The following PDE4D variants were observed in gnomAD, a reference collection of about 807,000 sequenced individuals.
The protein encoded by PDE4D is 3',5'-cyclic-AMP phosphodiesterase 4D.
In PDE4D, 24 loss-of-function variants were observed where a neutral mutation model predicts 87.4. The observed-to-expected ratio is 0.27, with a 90% CI of 0.20 to 0.39. PDE4D has a LOEUF of 0.39. Ranked by LOEUF, PDE4D falls within the 10% of genes least tolerant of loss-of-function variation. The pLI, the probability that PDE4D is intolerant of heterozygous loss-of-function variation, is 1.00. For synonymous variants in PDE4D, 384 were observed against 383.2 expected (o/e 1.00, Z -0.02); for missense variants, 714 against 1,041.0 (o/e 0.69, Z 4.32).
At chr5:59,862,825 A>C (rs1746479925) in intron 1 of PDE4D, among the ~76,000 whole-genome samples, 1 of 152,242 alleles carries the variant, frequency 6.6e-6, no homozygotes, top group Non-Finnish European at 1.5e-5. Context: ...ACAAATAAAA[A>C]GTCAGATGAC....
intron 1 of PDE4D, among the ~76,000 whole-genome samples, chr5:59,549,943 A>T (rs1011282789): frequency 1.3e-5 from 2 of 151,826 alleles, no homozygotes; most frequent in African/African-American, 4.8e-5. Context: ...TGCTAAAAGC[A>T]TTTAGAACTA....
chr5:60,153,673 C>CT (rs1166841966), intron 2 of PDE4D, among the ~76,000 whole-genome samples: 1 of 152,042 alleles, frequency 6.6e-6, no homozygotes, highest in African/African-American at 2.4e-5. Flanking sequence ...TGTGTGTATA[C>CT]TATTCAGCCT....
intron 1 of PDE4D, among the ~76,000 whole-genome samples, chr5:59,535,655 C>G (rs1365536831): frequency 1.3e-5 from 2 of 152,240 alleles, no homozygotes; most frequent in Non-Finnish European, 2.9e-5. Context: ...AGCATAATTT[C>G]TTTGCTTTTA....
At chr5:59,486,063 A>G (rs977329641) in intron 1 of PDE4D, among the ~76,000 whole-genome samples, 2 of 152,082 alleles carry the variant, frequency 1.3e-5, no homozygotes, top group Non-Finnish European at 2.9e-5. Flanking sequence ...TCCTTCAATT[A>G]TTATCACTAT....
chr5:60,332,778 T>C (rs1425406258), intron 1 of PDE4D, among the ~76,000 whole-genome samples: 1 of 151,988 alleles, frequency 6.6e-6, no homozygotes, highest in Non-Finnish European at 1.5e-5. Flanking sequence ...TATATAGATA[T>C]GGCTATGAGT....
chr5:59,651,973 G>A (rs1490408051), intron 1 of PDE4D, among the ~76,000 whole-genome samples: 1 of 152,146 alleles, frequency 6.6e-6, no homozygotes, highest in Non-Finnish European at 1.5e-5. Flanking sequence ...CTACTATCAA[G>A]TGACCAAGGA....
intron 1 of PDE4D, among the ~76,000 whole-genome samples, chr5:59,315,475 A>C (rs1323758732): frequency 6.6e-6 from 1 of 152,030 alleles, no homozygotes; most frequent in African/African-American, 2.4e-5. Flanking sequence ...AGGGGGGAAT[A>C]TGTTAGGGTA....
At chr5:60,226,013 C>A (rs1383051587) in intron 1 of PDE4D, among the ~76,000 whole-genome samples, 1 of 151,968 alleles carries the variant, frequency 6.6e-6, no homozygotes, top group African/African-American at 2.4e-5. Context: ...TATGGATATG[C>A]AGGTTAAATA....
intron 1 of PDE4D, among the ~76,000 whole-genome samples, chr5:59,455,404 A>G (rs1472507281): frequency 1.3e-5 from 2 of 152,236 alleles, no homozygotes; most frequent in Non-Finnish European, 2.9e-5. Context: ...GGCAACTTCC[A>G]TGTGGTGTTG....
At chr5:60,336,546 G>T (rs1466477479) in intron 1 of PDE4D, among the ~76,000 whole-genome samples, 1 of 152,202 alleles carries the variant, frequency 6.6e-6, no homozygotes, top group Non-Finnish European at 1.5e-5. Flanking sequence ...TGCCCAGATA[G>T]AACTGGTTTA....
chr5:60,283,524 G>A (rs1018693559), intron 1 of PDE4D, among the ~76,000 whole-genome samples: 1 of 152,104 alleles, frequency 6.6e-6, no homozygotes, highest in African/African-American at 2.4e-5. Context: ...GGCATTAAAT[G>A]TTTTAAAAGA....
At chr5:60,183,530 G>C (rs999476395) in intron 2 of PDE4D, among the ~76,000 whole-genome samples, 1 of 152,174 alleles carries the variant, frequency 6.6e-6, no homozygotes, top group African/African-American at 2.4e-5. Context: ...TAAGGTGATC[G>C]TTTAAGGATG....
intron 1 of PDE4D, among the ~76,000 whole-genome samples, chr5:59,400,264 C>G (rs1362121458): frequency 1.1e-5 from 1 of 92,442 alleles, no homozygotes; most frequent in African/African-American, 5.5e-5. Flanking sequence ...AATCATGCTG[C>G]TATAAAGACA....
rs187160157 is a variant in PDE4D at position 59,299,827 on chromosome 5, C to T, written c.456-83859G>A. 5.9e-5 allele frequency among the ~76,000 whole-genome samples: 9 copies of T among 152,012 alleles called. No individual in the cohort carries two copies. The East Asian group carries it at 1.2e-3, about 20-fold the overall frequency. ...AAACACTGGAATAAAAAAAAATGCT[C>T]GCCCAGGCGCAGTGGCTCACGCCTT... On this transcript the variant is annotated intron_variant, in intron 1 of 14. Transcript: ENST00000340635.
intron 1 of PDE4D, among the ~76,000 whole-genome samples, chr5:59,250,105 A>G (rs1177662357): frequency 6.6e-6 from 1 of 151,900 alleles, no homozygotes; most frequent in Non-Finnish European, 1.5e-5. Flanking sequence ...TGGCCTCCCA[A>G]AGTGCTGGGA....
intron 1 of PDE4D, among the ~76,000 whole-genome samples, chr5:59,722,467 C>T (rs1580679886): frequency 1.3e-5 from 2 of 152,172 alleles, no homozygotes; most frequent in South Asian, 2.1e-4. Context: ...CATTGTCACA[C>T]ATTTTCACCC....
chr5:59,185,162 AAG>A (rs769809913), intron 4 of PDE4D, 25 bp downstream of exon 4: 13 of 1,578,614 alleles, frequency 8.2e-6, no homozygotes, highest in Non-Finnish European at 1.1e-5. Context: ...TTCAGCAAAA[AAG>A]AGGGGGGAAA....
At chr5:59,297,177 T>C (rs1416413746) in intron 1 of PDE4D, among the ~76,000 whole-genome samples, 4 of 152,160 alleles carry the variant, frequency 2.6e-5, no homozygotes, top group Non-Finnish European at 2.9e-5. Context: ...AAAGTGAAAC[T>C]AGTTCACACA....
chr5:59,248,666 CT>C (rs11412067), intron 1 of PDE4D, among the ~76,000 whole-genome samples: 1 of 151,760 alleles, frequency 6.6e-6, no homozygotes, highest in Non-Finnish European at 1.5e-5. Flanking sequence ...CACCAGAGTT[CT>C]TTTTTTTCTA....
Sources: allele counts gnomAD v4.1 joint callset (sites outside exome capture counted in the v4.1 genomes callset), GRCh38; gene constraint gnomAD v4.1.1; transcripts MANE v1.5; gene names NCBI Gene and HGNC (gene_info 2026-07-23, HGNC 2026-07-21).